KCNIP4: variants seen among roughly 807,000 people sequenced by gnomAD.
The protein encoded by KCNIP4 is Kv channel-interacting protein 4.
Under a neutral mutation model 34.0 loss-of-function variants are expected in KCNIP4, and 12 were observed. The observed-to-expected ratio is 0.35, with a 90% CI of 0.23 to 0.57. The LOEUF (loss-of-function observed/expected upper bound fraction) is 0.57. Among genes scored for constraint, KCNIP4 ranks in the 20% least tolerant of loss-of-function variants. The probability of loss-of-function intolerance (pLI) is 0.83; values close to 1 mark genes in which losing one functional copy is unlikely to be tolerated. For synonymous variants in KCNIP4, 124 were observed against 102.2 expected, an observed-to-expected ratio of 1.21 and a Z score of -1.29; for missense variants, 238 against 311.7, an observed-to-expected ratio of 0.76 and a Z score of 1.78.
chr4:21,380,011 C>G (rs1268444464), intron 1 of KCNIP4, among the ~76,000 whole-genome samples: 1 of 152,034 alleles, frequency 6.6e-6, no homozygotes, highest in Admixed American at 6.6e-5. Context: ...GAGGAATTTT[C>G]TTACATATGT....
At chr4:21,370,075 C>A (rs568112123) in intron 1 of KCNIP4, among the ~76,000 whole-genome samples, 2 of 147,556 alleles carry the variant, frequency 1.4e-5, no homozygotes, top group East Asian at 4.0e-4. Flanking sequence ...GATCCTCCCA[C>A]CTCGGCCTCC....
intron 2 of KCNIP4, among the ~76,000 whole-genome samples, chr4:20,881,568 T>A (rs537760116): frequency 6.6e-6 from 1 of 152,324 alleles, no homozygotes; most frequent in Non-Finnish European, 1.5e-5. Flanking sequence ...TGTCAATGTA[T>A]ATTCTAAGTT....
chr4:20,734,582 A>G (rs1406623397), intron 6 of KCNIP4, 46 bp downstream of exon 6: 1 of 910,066 alleles, frequency 1.1e-6, no homozygotes, highest in Non-Finnish European at 1.6e-6. Context: ...AAGTTAAGAA[A>G]TGAAAATGGT....
chr4:21,744,890 G>T (rs909563366), intron 1 of KCNIP4, among the ~76,000 whole-genome samples: 2 of 152,146 alleles, frequency 1.3e-5, no homozygotes, highest in Non-Finnish European at 2.9e-5. Flanking sequence ...AAAGTAGTTT[G>T]CAAACTATAT....
At chr4:21,861,234 G>A (rs911380675) in intron 1 of KCNIP4, among the ~76,000 whole-genome samples, 3 of 152,052 alleles carry the variant, frequency 2.0e-5, no homozygotes, top group African/African-American at 7.2e-5. Context: ...CACACAATGG[G>A]AGTTAACAGA....
chr4:21,113,919 T>G (rs571313339), intron 1 of KCNIP4, among the ~76,000 whole-genome samples: 1 of 152,214 alleles, frequency 6.6e-6, no homozygotes, highest in Non-Finnish European at 1.5e-5. Context: ...TCTTTCTCCA[T>G]CAAAAATCAA....
chr4:21,613,374 T>C (rs1437485607), intron 1 of KCNIP4: 2 of 152,176 alleles, frequency 1.3e-5, no homozygotes, highest in East Asian at 1.9e-4. Flanking sequence ...AGCAGCCTTA[T>C]GGAGCAGTTT....
intron 1 of KCNIP4, among the ~76,000 whole-genome samples, chr4:21,651,340 G>A (rs899725871): frequency 6.6e-6 from 1 of 152,198 alleles, no homozygotes; most frequent in Non-Finnish European, 1.5e-5. Context: ...AGAAGGCAAG[G>A]AGAGGGCATA....
At chr4:21,000,437 C>T (rs1039404734) in intron 1 of KCNIP4, among the ~76,000 whole-genome samples, 1 of 151,890 alleles carries the variant, frequency 6.6e-6, no homozygotes, top group African/African-American at 2.4e-5. Context: ...GTAATCCCAA[C>T]ATTTTGGGAG....
chr4:20,980,265 A>G (rs1200028723), intron 1 of KCNIP4, among the ~76,000 whole-genome samples: 3 of 152,166 alleles, frequency 2.0e-5, no homozygotes, highest in African/African-American at 7.2e-5. Context: ...TCAATACCCA[A>G]CAGGGTACCC....
chr4:21,484,601 TG>T (rs1731753126), intron 1 of KCNIP4, among the ~76,000 whole-genome samples: 1 of 152,144 alleles, frequency 6.6e-6, no homozygotes, highest in African/African-American at 2.4e-5. Flanking sequence ...GAGGGTTGTT[TG>T]GTCGGGGGTC....
At chr4:21,501,244 T>TCACACACACACACA (rs755377009) in intron 1 of KCNIP4, among the ~76,000 whole-genome samples, 10 of 142,540 alleles carry the variant, frequency 7.0e-5, no homozygotes, top group African/African-American at 1.9e-4. Flanking sequence ...TCTCTCTCTC[T>TCACACACACACACA]CTCTCACACA....
intron 1 of KCNIP4, among the ~76,000 whole-genome samples, chr4:21,623,116 C>T (rs761998168): frequency 7.9e-5 from 12 of 152,114 alleles, no homozygotes; most frequent in Admixed American, 2.6e-4. Flanking sequence ...TTTTTTCCAT[C>T]GGCTTAATTT....
intron 1 of KCNIP4, among the ~76,000 whole-genome samples, chr4:21,067,013 G>C (rs1350484955): frequency 6.6e-6 from 1 of 152,102 alleles, no homozygotes; most frequent in African/African-American, 2.4e-5. Context: ...TTGAGGAGAG[G>C]AGAAGGGAGA....
intron 1 of KCNIP4, among the ~76,000 whole-genome samples, chr4:21,539,550 CTT>C (rs1737496867): frequency 6.6e-6 from 1 of 152,078 alleles, no homozygotes; most frequent in Non-Finnish European, 1.5e-5. Context: ...TGCCCAATGA[CTT>C]TGTTTACAGA....
chr4:21,608,822 C>A (rs1685972052), intron 1 of KCNIP4: 1 of 152,150 alleles, frequency 6.6e-6, no homozygotes, highest in African/African-American at 2.4e-5. Context: ...TCCGAGTTCT[C>A]AAAGAAAATC....
chr4:21,692,726 C>A (rs1711790985), intron 1 of KCNIP4, among the ~76,000 whole-genome samples: 1 of 150,708 alleles, frequency 6.6e-6, no homozygotes, highest in Non-Finnish European at 1.5e-5. Flanking sequence ...AATAAATCAG[C>A]AATAGCATAA....
chr4:21,093,863 A>T (rs1302533606), intron 1 of KCNIP4, among the ~76,000 whole-genome samples: 1 of 152,134 alleles, frequency 6.6e-6, no homozygotes. Flanking sequence ...CGGGAGGATC[A>T]CAAGGTGAGG....
intron 1 of KCNIP4, among the ~76,000 whole-genome samples, chr4:21,424,777 A>G (rs1725798868): frequency 6.6e-6 from 1 of 152,218 alleles, no homozygotes; most frequent in Non-Finnish European, 1.5e-5. Context: ...ACAGAATGTT[A>G]TCCATTTCTC....
Sources: allele counts gnomAD v4.1 joint callset (sites outside exome capture counted in the v4.1 genomes callset), GRCh38; gene constraint gnomAD v4.1.1; transcripts MANE v1.5; gene names NCBI Gene and HGNC (gene_info 2026-07-23, HGNC 2026-07-21).